The following STK31 variants were observed in gnomAD, a reference collection of about 807,000 sequenced individuals.
STK31 encodes serine/threonine kinase 31, also known as serine/threonine-protein kinase 31.
In STK31, 89 loss-of-function variants were observed where a neutral mutation model predicts 129.7. The ratio of observed to expected loss-of-function variants is 0.69; its 90% CI spans 0.58 to 0.82. The LOEUF (loss-of-function observed/expected upper bound fraction) is 0.82. Ranked by LOEUF, STK31 falls within the 40% of genes least tolerant of loss-of-function variation. The pLI is 0.00. For synonymous variants in STK31, 448 were observed against 395.3 expected (o/e 1.13, Z -1.58); for missense variants, 1,187 against 1,176.4 (o/e 1.01, Z -0.13).
Position 23,758,439 on chromosome 7 carries a change from A to C in STK31, c.1293+3965A>C, listed in dbSNP as rs138932361. ...CCTAGATTCATTGATTTTTTTTTGG[A>C]GTGTTTTTTTTGTGTGTGTGTGTCT... is the stretch of plus-strand genomic sequence containing the variant. On this transcript the variant is annotated intron_variant, in intron 10 of 23. Transcript: ENST00000355870. Among the ~76,000 whole-genome samples the C allele has an allele frequency of 1.5e-3, 218 of 147,386 alleles. 1 individual carries two copies. The highest frequency in any genetic ancestry group is 5.3e-3 in the African/African-American group (213 of 39,826).
chr7:23,749,078 C>T (rs1788525956), intron 8 of STK31, among the ~76,000 whole-genome samples: 2 of 152,200 alleles, frequency 1.3e-5, no homozygotes, highest in African/African-American at 4.8e-5. Flanking sequence ...TTTTTGATTT[C>T]CGTTACAGTG....
At chr7:23,723,177 G>C (rs544560971) in intron 4 of STK31, among the ~76,000 whole-genome samples, 1 of 152,278 alleles carries the variant, frequency 6.6e-6, no homozygotes, top group Admixed American at 6.5e-5. Flanking sequence ...GACTGGAGCT[G>C]TTCCTATTCG....
At chr7:23,827,074 C>G (rs1420245206) in intron 23 of STK31, among the ~76,000 whole-genome samples, 3 of 152,114 alleles carry the variant, frequency 2.0e-5, no homozygotes, top group Non-Finnish European at 4.4e-5. Flanking sequence ...AATTATGTGT[C>G]TTGGAGTTGC....
In STK31 at chr7:23,737,017, CTCT is replaced by C; in HGVS notation, c.961_963del (p.Leu321del). ...GAAAAACTTAAAACAGAGAAGGACG[CTCT>C]TCTTGAAAGTTATAAGGCGTTAGAA... On this transcript the variant is annotated inframe_deletion, in exon 8 of 24. Coordinates refer to ENST00000355870, the MANE Select transcript of STK31 (RefSeq NM_031414.5). 2 of 1,612,884 alleles carry C rather than the reference CTCT, an allele frequency of 1.2e-6. No homozygotes were observed. Among genetic ancestry groups the C allele is most frequent in the South Asian group, 1.1e-5 (1 of 90,958 alleles).
At chr7:23,827,828 T>C (rs138435494) in intron 23 of STK31, among the ~76,000 whole-genome samples, 3,703 of 152,328 alleles carry the variant, frequency 0.024, 69 homozygotes, top group Non-Finnish European at 0.04. Context: ...GACCCTCTGC[T>C]GCAGGTCTGT....
chr7:23,754,806 A>G (rs1329316889), intron 10 of STK31, among the ~76,000 whole-genome samples: 3 of 152,188 alleles, frequency 2.0e-5, no homozygotes, highest in East Asian at 1.9e-4. Context: ...AGCTTCATCC[A>G]TGTCGTTGCA....
Position 23,748,315 on chromosome 7 carries a change from C to T in STK31, c.1018-4402C>T, listed in dbSNP as rs142758075. ...CTGTGGCCTGAGAGCAGACATTGTA[C>T]GGTTTCTATTCTTTTAACTCTGTTA... On this transcript the variant is annotated intron_variant, in intron 8 of 23. Coordinates refer to ENST00000355870, the MANE Select transcript of STK31 (RefSeq NM_031414.5). Among the ~76,000 whole-genome samples the T allele has an allele frequency of 3.6e-3, 551 of 152,020 alleles. 3 individuals carry two copies. Among genetic ancestry groups the T allele is most frequent in the Middle Eastern group, 0.01 (3 of 294 alleles).
At chr7:23,720,459 A>G (rs9655237) in intron 4 of STK31, among the ~76,000 whole-genome samples, 1 of 151,908 alleles carries the variant, frequency 6.6e-6, no homozygotes, top group Non-Finnish European at 1.5e-5. Context: ...TCTGTGTCTT[A>G]TCAAGAGTCA....
chr7:23,790,795 C>G, intron 21 of STK31, 29 bp from the exon 22 acceptor site: 1 of 1,559,638 alleles, frequency 6.4e-7, no homozygotes. Context: ...TGTGTTGTAT[C>G]TGAAATATGT....
Position 23,723,354 on chromosome 7 carries a change from A to G in STK31, c.250-3887A>G, listed in dbSNP as rs569913397. The stretch of plus-strand genomic sequence containing the variant: ...CAGATTTCTTTCAGAGACTATGTCT[A>G]TAAAAATTAGCCCATCTGAGACCCA... On this transcript the variant is annotated intron_variant, in intron 4 of 23. Transcript: ENST00000355870. 2.3e-4 allele frequency among the ~76,000 whole-genome samples: 35 copies of G among 152,324 alleles called. 1 individual carries two copies. The South Asian group carries it at 5.4e-3, about 23-fold the overall frequency.
chr7:23,723,145 G>A (rs1384938047), intron 4 of STK31, among the ~76,000 whole-genome samples: 1 of 152,120 alleles, frequency 6.6e-6, no homozygotes, highest in Non-Finnish European at 1.5e-5. Flanking sequence ...CGTCTTCTGC[G>A]TCGCTCACAC....
At chr7:23,807,940 T>G (rs73084769) in intron 22 of STK31, among the ~76,000 whole-genome samples, 3,759 of 151,956 alleles carry the variant, frequency 0.025, 87 homozygotes, top group African/African-American at 0.062. Flanking sequence ...TTTTAAAAAT[T>G]TAAGTGTGTT....
rs78038904 is a variant in STK31 at position 23,772,945 on chromosome 7, A to G, written c.1965+667A>G. On this transcript the variant is annotated intron_variant, in intron 15 of 23. Transcript: ENST00000355870. Reference sequence around the variant, plus strand: ...TGAATTGGGGGTGGAGCGGAGGACTATTCTAGAACTAATATCATAGTTGAA... The same window carrying G: ...TGAATTGGGGGTGGAGCGGAGGACTGTTCTAGAACTAATATCATAGTTGAA... 3.6e-3 allele frequency among the ~76,000 whole-genome samples: 542 copies of G among 152,252 alleles called. 6 individuals are homozygous for G. Among genetic ancestry groups the G allele is most frequent in the African/African-American group, 0.012 (504 of 41,542 alleles).
chr7:23,771,468 G>A (rs753643428), intron 14 of STK31: 1 of 161,124 alleles, frequency 6.2e-6, no homozygotes, highest in South Asian at 2.0e-4. Flanking sequence ...CTCACTGGAT[G>A]TGCATCTGTA....
intron 21 of STK31, among the ~76,000 whole-genome samples, chr7:23,789,533 T>C (rs1791493447): frequency 6.6e-6 from 1 of 152,106 alleles, no homozygotes; most frequent in South Asian, 2.1e-4. Context: ...CTGGAGTATA[T>C]ATAGTCTTAA....
chr7:23,822,536 CTT>C (rs1191451052), intron 23 of STK31, among the ~76,000 whole-genome samples: 1 of 152,048 alleles, frequency 6.6e-6, no homozygotes, highest in Admixed American at 6.5e-5. Flanking sequence ...TTGGTGGAGT[CTT>C]TAGGTTTTTC....
At chr7:23,771,264 T>G in intron 14 of STK31, 140 bp downstream of exon 14, 1 of 751,298 alleles carries the variant, frequency 1.3e-6, no homozygotes, top group Non-Finnish European at 1.9e-6. Context: ...AAATGGTGAT[T>G]TTTGATGATA....
intron 4 of STK31, among the ~76,000 whole-genome samples, chr7:23,723,958 C>G (rs536838175): frequency 2.6e-5 from 4 of 152,120 alleles, no homozygotes; most frequent in South Asian, 4.2e-4. Context: ...TCTCTCGGCC[C>G]GGAGGAAGGG....
At chr7:23,735,972 T>C (rs1787695252) in intron 7 of STK31, 76 bp downstream of exon 7, 4 of 1,265,526 alleles carry the variant, frequency 3.2e-6, no homozygotes, top group African/African-American at 3.0e-5. Flanking sequence ...TTAAGGCTTA[T>C]GCTTTTGGAA....
Sources: allele counts gnomAD v4.1 joint callset (sites outside exome capture counted in the v4.1 genomes callset), GRCh38; gene constraint gnomAD v4.1.1; transcripts MANE v1.5; gene names NCBI Gene and HGNC (gene_info 2026-07-23, HGNC 2026-07-21).